Variants in COL5A2 observed in about 807,000 individuals in gnomAD.
COL5A2 encodes the protein collagen type V alpha 2 chain, also known as collagen alpha-2(V) chain.
In COL5A2, 23 loss-of-function variants were observed where a neutral mutation model predicts 208.2. The observed-to-expected ratio is 0.11, with a 90% CI of 0.08 to 0.16. COL5A2 has a LOEUF of 0.16. Ranked by LOEUF, COL5A2 falls within the 10% of genes least tolerant of loss-of-function variation. COL5A2 has a pLI of 1.00. For synonymous variants in COL5A2, 625 were observed against 628.5 expected, an observed-to-expected ratio of 0.99 and a Z score of 0.08; for missense variants, 1,590 against 1,956.4, an observed-to-expected ratio of 0.81 and a Z score of 3.53.
chr2:189,057,682 A>G lies in COL5A2; in HGVS notation c.2230-255T>C, dbSNP rs115760110. Among the ~76,000 whole-genome samples the G allele has an allele frequency of 9.2e-3, 1,398 of 152,342 alleles. 18 individuals carry two copies. The highest frequency in any genetic ancestry group is 0.032 in the African/African-American group (1,318 of 41,578). ...CAATTGAACGCTATTTCAAATAAAA[A>G]GGATAGAGTTGCCTTTTTTTCCCTC... On this transcript the variant is annotated intron_variant, in intron 33 of 53. Coordinates refer to ENST00000374866, the MANE Select transcript of COL5A2 (RefSeq NM_000393.5).
chr2:189,375,306 C>T, the COL5A2 span, among the ~76,000 whole-genome samples: 1 of 152,144 alleles, frequency 6.6e-6, no homozygotes, highest in African/African-American at 2.4e-5. Context: ...CATGAGTCAC[C>T]ACACCCAGCC....
At chr2:189,229,994 C>T (rs942610850), upstream of COL5A2, among the ~76,000 whole-genome samples, 9 of 151,592 alleles carry the variant, frequency 5.9e-5, no homozygotes, top group African/African-American at 2.2e-4. Context: ...GACATATAGG[C>T]CAATGGACTA....
At chr2:189,232,101 C>T in the COL5A2 span, among the ~76,000 whole-genome samples, 2 of 151,650 alleles carry the variant, frequency 1.3e-5, no homozygotes, top group Non-Finnish European at 2.9e-5. Context: ...AGCCACTTGC[C>T]TTTAAGTAAC....
the COL5A2 span, among the ~76,000 whole-genome samples, chr2:189,352,028 C>T: frequency 2.0e-5 from 3 of 151,934 alleles, no homozygotes; most frequent in Non-Finnish European, 2.9e-5. Flanking sequence ...TCAACTCCCA[C>T]TTATGAGTGA....
At chr2:189,289,294 T>C in the COL5A2 span, among the ~76,000 whole-genome samples, 1 of 151,872 alleles carries the variant, frequency 6.6e-6, no homozygotes, top group African/African-American at 2.4e-5. Context: ...TGAGCAAAGA[T>C]TGTGCCACTG....
the COL5A2 span, among the ~76,000 whole-genome samples, chr2:189,430,434 G>C: frequency 6.6e-6 from 1 of 152,208 alleles, no homozygotes; most frequent in Admixed American, 6.5e-5. Context: ...ATTTCCCTTT[G>C]CTAGCCAAGG....
chr2:189,162,181 CTT>C, intron 1 of COL5A2, among the ~76,000 whole-genome samples: 1 of 152,280 alleles, frequency 6.6e-6, no homozygotes, highest in South Asian at 2.1e-4. Context: ...AAGTATTATC[CTT>C]GTTTTATTTG....
At chr2:189,401,317 T>C in the COL5A2 span, among the ~76,000 whole-genome samples, 1 of 152,180 alleles carries the variant, frequency 6.6e-6, no homozygotes, top group Admixed American at 6.5e-5. Flanking sequence ...CAGAAAGTAT[T>C]TGGTTTTCTA....
At chr2:189,133,274 C>T (rs1687759288) in intron 1 of COL5A2, among the ~76,000 whole-genome samples, 1 of 126,406 alleles carries the variant, frequency 7.9e-6, no homozygotes, top group African/African-American at 2.6e-5. Flanking sequence ...CACCTGCCAC[C>T]ACGCCTGGCT....
intron 1 of COL5A2, among the ~76,000 whole-genome samples, chr2:189,154,242 G>A (rs1285492676): frequency 2.0e-5 from 3 of 152,152 alleles, no homozygotes; most frequent in Non-Finnish European, 4.4e-5. Flanking sequence ...GAAAGTCAAT[G>A]TCATTAATAT....
chr2:189,295,084 C>T, the COL5A2 span, among the ~76,000 whole-genome samples: 1 of 152,168 alleles, frequency 6.6e-6, no homozygotes, highest in African/African-American at 2.4e-5. Context: ...CATGGAATTA[C>T]AGGTGTGAGC....
chr2:189,441,097 G>T, the COL5A2 span, among the ~76,000 whole-genome samples: 1 of 152,102 alleles, frequency 6.6e-6, no homozygotes, highest in Admixed American at 6.5e-5. Context: ...CTGCAGCGCC[G>T]ACACCACAGA....
the COL5A2 span, among the ~76,000 whole-genome samples, chr2:189,372,226 T>C: frequency 1.3e-5 from 2 of 152,176 alleles, no homozygotes; most frequent in Admixed American, 6.5e-5. Context: ...GGATAGAAAA[T>C]ATGGGAAAAC....
chr2:189,308,418 A>C, the COL5A2 span, among the ~76,000 whole-genome samples: 1 of 152,036 alleles, frequency 6.6e-6, no homozygotes, highest in Admixed American at 6.5e-5. Context: ...GAAAGAAATC[A>C]AAGTATTTTA....
intron 1 of COL5A2, among the ~76,000 whole-genome samples, chr2:189,145,855 G>A (rs1405576093): frequency 6.6e-6 from 1 of 152,052 alleles, no homozygotes. Flanking sequence ...TCCTTCTTTA[G>A]AACCAAAAAT....
At chr2:189,429,350 A>T in the COL5A2 span, among the ~76,000 whole-genome samples, 1 of 152,166 alleles carries the variant, frequency 6.6e-6, no homozygotes, top group Admixed American at 6.5e-5. Flanking sequence ...CCAAATTCTT[A>T]TGTGGGAGAA....
intron 45 of COL5A2, 21 bp downstream of exon 45, chr2:189,048,185 TATA>T: frequency 2.5e-6 from 4 of 1,610,072 alleles, no homozygotes; most frequent in Non-Finnish European, 3.4e-6. Context: ...CTTTAGATTT[TATA>T]ATAAGTGAAA....
At chr2:189,375,238 C>G in the COL5A2 span, among the ~76,000 whole-genome samples, 5 of 151,962 alleles carry the variant, frequency 3.3e-5, no homozygotes, top group Admixed American at 2.6e-4. Context: ...AGGCTGGTCT[C>G]GAGCTCCTGA....
chr2:189,312,648 C>G, the COL5A2 span, among the ~76,000 whole-genome samples: 8 of 152,156 alleles, frequency 5.3e-5, no homozygotes, highest in Non-Finnish European at 1.0e-4. Flanking sequence ...GACCTCCGAT[C>G]TAGAGTCGCC....
Sources: allele counts gnomAD v4.1 joint callset (sites outside exome capture counted in the v4.1 genomes callset), GRCh38; gene constraint gnomAD v4.1.1; transcripts MANE v1.5; gene names NCBI Gene and HGNC (gene_info 2026-07-23, HGNC 2026-07-21).